Variants in FARP2 observed in about 807,000 individuals in gnomAD.
FARP2 encodes FERM, ARHGEF and pleckstrin domain-containing protein 2.
Under a neutral mutation model 130.5 loss-of-function variants are expected in FARP2, and 111 were observed. The ratio of observed to expected loss-of-function variants is 0.85; its 90% CI spans 0.73 to 1.00. FARP2 has a LOEUF of 1.00. Ranked by LOEUF, FARP2 falls within the 50% of genes least tolerant of loss-of-function variation. The pLI, the probability that FARP2 is intolerant of heterozygous loss-of-function variation, is 0.00. For synonymous variants in FARP2, 504 were observed against 516.9 expected (o/e 0.98, Z 0.34); for missense variants, 1,385 against 1,346.3 (o/e 1.03, Z -0.45).
At chr2:241,442,522 A>G in intron 13 of FARP2, 1 of 455,314 alleles carries the variant, frequency 2.2e-6, no homozygotes, top group Non-Finnish European at 4.4e-6. Context: ...AATAGATAAA[A>G]ACCCATCTTG....
chr2:241,362,494 C>G (rs577883230), intron 1 of FARP2, among the ~76,000 whole-genome samples: 2 of 151,920 alleles, frequency 1.3e-5, no homozygotes, highest in Non-Finnish European at 2.9e-5. Flanking sequence ...CCCAACTACT[C>G]GGGAGGCTGA....
chr2:241,435,375 C>T (rs954862637), intron 11 of FARP2, among the ~76,000 whole-genome samples: 4 of 150,724 alleles, frequency 2.7e-5, no homozygotes, highest in South Asian at 2.1e-4. Context: ...CAAAGTGCTG[C>T]GATTATAGGT....
rs561608377 is a variant in FARP2 at position 241,396,984 on chromosome 2, G to C, written c.184-6844G>C. Among the ~76,000 whole-genome samples the C allele has an allele frequency of 5.9e-3, 892 of 151,846 alleles. 16 individuals are homozygous for C. Among genetic ancestry groups the C allele is most frequent in the African/African-American group, 0.02 (829 of 41,206 alleles). ...ATTAAGAAAATGTGGCACATATACA[G>C]CATGGAATACTATGCAGCCATAAAA... On this transcript the variant is annotated intron_variant, in intron 2 of 26. Transcript: ENST00000264042.
At chr2:241,376,343 G>A (rs1272465471) in intron 2 of FARP2, among the ~76,000 whole-genome samples, 5 of 152,200 alleles carry the variant, frequency 3.3e-5, no homozygotes, top group African/African-American at 1.2e-4. Context: ...TGATTCGAGG[G>A]GTGGAGAAGT....
chr2:241,434,758 A>C (rs1216193855), intron 10 of FARP2, among the ~76,000 whole-genome samples: 1 of 152,186 alleles, frequency 6.6e-6, no homozygotes, highest in Non-Finnish European at 1.5e-5. Context: ...AGGCTGAGGC[A>C]TGAGAATCGC....
intron 2 of FARP2, among the ~76,000 whole-genome samples, chr2:241,396,573 A>C (rs1254163451): frequency 2.0e-5 from 3 of 152,236 alleles, no homozygotes; most frequent in African/African-American, 7.2e-5. Context: ...GCCAACAAAC[A>C]CATGAAAAAA....
chr2:241,371,486 A>G lies in FARP2; in HGVS notation c.-24-1598A>G, dbSNP rs144555032. Among the ~76,000 whole-genome samples, 311 of 152,346 alleles carry G rather than the reference A, an allele frequency of 2.0e-3. 1 individual carries two copies. The highest frequency in any genetic ancestry group is 7.2e-3 in the African/African-American group (301 of 41,596). ...GCAACAGAGCAAGACTCCGTCTCCA[A>G]AAATAGCCGGGGGTTCTTGATTTGC... On this transcript the variant is annotated intron_variant, in intron 1 of 26. Transcript: ENST00000264042.
intron 11 of FARP2, among the ~76,000 whole-genome samples, chr2:241,436,025 G>A (rs2063221511): frequency 7.0e-6 from 1 of 142,954 alleles, no homozygotes; most frequent in Non-Finnish European, 1.5e-5. Context: ...CCATTCTCTT[G>A]CCTCAGCCTC....
intron 12 of FARP2, among the ~76,000 whole-genome samples, chr2:241,438,691 G>A (rs1006322441): frequency 4.0e-5 from 6 of 148,990 alleles, no homozygotes; most frequent in South Asian, 4.3e-4. Flanking sequence ...GTGCAGTGGC[G>A]CGATCTTGGC....
intron 8 of FARP2, among the ~76,000 whole-genome samples, chr2:241,428,013 G>T (rs534404578): frequency 2.6e-5 from 4 of 151,892 alleles, no homozygotes; most frequent in African/African-American, 7.3e-5. Flanking sequence ...TGATCCGCCC[G>T]CCTTGGCCTC....
rs1026117421 is a variant in FARP2 at position 241,410,659 on chromosome 2, ACCT to A, written c.411-372_411-370del. 3.9e-4 allele frequency among the ~76,000 whole-genome samples: 59 copies of A among 151,848 alleles called. 1 individual carries two copies. The highest frequency in any genetic ancestry group is 1.3e-3 in the African/African-American group (55 of 41,434). On this transcript the variant is annotated intron_variant, in intron 5 of 26. Transcript: ENST00000264042. ...TGGTCAGGCTGGTCTCGAACTCCTG[ACCT>A]CAGGTGATCCACCCGCCCCAGCCTC...
intron 5 of FARP2, among the ~76,000 whole-genome samples, chr2:241,408,116 T>C (rs1283985044): frequency 6.6e-6 from 1 of 152,190 alleles, no homozygotes; most frequent in Non-Finnish European, 1.5e-5. Flanking sequence ...ACGCCTGTAA[T>C]CCCAGCATTT....
At chr2:241,367,433 G>A (rs995907400) in intron 1 of FARP2, among the ~76,000 whole-genome samples, 4 of 152,126 alleles carry the variant, frequency 2.6e-5, no homozygotes, top group African/African-American at 9.7e-5. Flanking sequence ...AGTTACTAAT[G>A]CTTAGAAAGA....
intron 12 of FARP2, among the ~76,000 whole-genome samples, chr2:241,437,198 A>G (rs1368551711): frequency 6.6e-6 from 1 of 152,266 alleles, no homozygotes; most frequent in Admixed American, 6.5e-5. Context: ...TATGTTACAA[A>G]TGAAAAGCAG....
intron 8 of FARP2, among the ~76,000 whole-genome samples, chr2:241,431,134 C>T (rs2063080070): frequency 6.6e-6 from 1 of 152,090 alleles, no homozygotes; most frequent in Non-Finnish European, 1.5e-5. Context: ...TGATGTAAGC[C>T]CTCTTTCTCA....
chr2:241,403,953 C>T (rs2062263649), intron 3 of FARP2, 21 bp downstream of exon 3: 2 of 1,422,970 alleles, frequency 1.4e-6, no homozygotes, highest in Middle Eastern at 3.5e-4. Flanking sequence ...ATGACGTGCC[C>T]AGGCGTGGAG....
At chr2:241,466,927 A>T (rs1020453629) in intron 17 of FARP2, among the ~76,000 whole-genome samples, 2 of 151,594 alleles carry the variant, frequency 1.3e-5, no homozygotes, top group African/African-American at 4.8e-5. Flanking sequence ...GCTCCAGTGG[A>T]CCAAATAAAA....
chr2:241,493,675 AC>A (rs1362459254), intron 26 of FARP2: 1 of 559,678 alleles, frequency 1.8e-6, no homozygotes, highest in African/African-American at 1.9e-5. Flanking sequence ...GCTCACTATA[AC>A]CTGCACCTCC....
intron 12 of FARP2, among the ~76,000 whole-genome samples, chr2:241,441,001 T>A (rs1157007823): frequency 1.3e-5 from 2 of 152,106 alleles, no homozygotes; most frequent in East Asian, 3.9e-4. Flanking sequence ...CAATACCCTG[T>A]CTCTAAAAAA....
Sources: allele counts gnomAD v4.1 joint callset (sites outside exome capture counted in the v4.1 genomes callset), GRCh38; gene constraint gnomAD v4.1.1; transcripts MANE v1.5; gene names NCBI Gene and HGNC (gene_info 2026-07-23, HGNC 2026-07-21).